Variants in RARB observed in about 807,000 individuals in gnomAD.
The protein encoded by RARB is HBV-activated protein.
Under a neutral mutation model 51.9 loss-of-function variants are expected in RARB, and 17 were observed. That is an observed-to-expected ratio of 0.33 (90% CI 0.22 to 0.49). RARB has a LOEUF of 0.49. RARB is among the 20% of genes least tolerant of loss of function. The pLI is 0.99. For synonymous variants in RARB, 215 were observed against 195.4 expected (o/e 1.10, Z -0.84); for missense variants, 369 against 550.8 (o/e 0.67, Z 3.30).
At chr3:25,185,160 A>C (rs1700948429) in intron 5 of RARB, among the ~76,000 whole-genome samples, 1 of 152,056 alleles carries the variant, frequency 6.6e-6, no homozygotes, top group Non-Finnish European at 1.5e-5. Context: ...ATTTTTTTTT[A>C]ATTTCAGAAT....
intron 2 of RARB, among the ~76,000 whole-genome samples, chr3:25,049,733 T>C (rs1001328317): frequency 5.3e-5 from 8 of 152,246 alleles, no homozygotes; most frequent in Non-Finnish European, 1.0e-4. Flanking sequence ...TCACATTTGT[T>C]TGAAGATACA....
chr3:25,416,520 T>C (rs1707708420), intron 5 of RARB, among the ~76,000 whole-genome samples: 1 of 152,214 alleles, frequency 6.6e-6, no homozygotes, highest in Non-Finnish European at 1.5e-5. Flanking sequence ...GCCAATTCAA[T>C]GGATTGGTAC....
intron 4 of RARB, among the ~76,000 whole-genome samples, chr3:25,155,173 A>G (rs919560969): frequency 3.3e-5 from 5 of 152,032 alleles, no homozygotes; most frequent in African/African-American, 1.2e-4. Flanking sequence ...TGTCTGCTCA[A>G]TTCTTTTTTT....
chr3:24,908,274 T>G (rs932735396), intron 2 of RARB, among the ~76,000 whole-genome samples: 1 of 152,222 alleles, frequency 6.6e-6, no homozygotes, highest in Admixed American at 6.5e-5. Flanking sequence ...TTTAAAAATT[T>G]GCCTGAAGAT....
intron 2 of RARB, among the ~76,000 whole-genome samples, chr3:24,983,703 T>A (rs1372311500): frequency 2.6e-5 from 4 of 152,172 alleles, no homozygotes; most frequent in Admixed American, 2.6e-4. Flanking sequence ...GAATTTCATT[T>A]CTATTTGCTA....
chr3:25,061,738 A>G (rs972286426), intron 3 of RARB, among the ~76,000 whole-genome samples: 1 of 151,862 alleles, frequency 6.6e-6, no homozygotes, highest in East Asian at 1.9e-4. Flanking sequence ...AAGGTGTTTT[A>G]TACTAGTTAA....
At chr3:24,880,020 C>T (rs1383075864) in intron 2 of RARB, among the ~76,000 whole-genome samples, 1 of 117,428 alleles carries the variant, frequency 8.5e-6, no homozygotes, top group Non-Finnish European at 1.8e-5. Context: ...AAGACATAAA[C>T]AAGATAAGGA....
chr3:25,264,769 C>A (rs773237399), intron 5 of RARB, among the ~76,000 whole-genome samples: 1 of 152,132 alleles, frequency 6.6e-6, no homozygotes, highest in African/African-American at 2.4e-5. Flanking sequence ...GGTGTATACA[C>A]ACTTTTCTCC....
At chr3:25,575,991 T>G (rs935529494) in intron 4 of RARB, among the ~76,000 whole-genome samples, 2 of 152,160 alleles carry the variant, frequency 1.3e-5, no homozygotes, top group African/African-American at 4.8e-5. Context: ...GCAGCACACA[T>G]AAGTCCTGAT....
chr3:25,031,815 C>T (rs1697882166), intron 2 of RARB, among the ~76,000 whole-genome samples: 1 of 152,156 alleles, frequency 6.6e-6, no homozygotes, highest in Non-Finnish European at 1.5e-5. Context: ...ATATACTTAT[C>T]CCAACCAGTT....
At chr3:25,319,547 T>C (rs1420515049) in intron 5 of RARB, among the ~76,000 whole-genome samples, 2 of 152,170 alleles carry the variant, frequency 1.3e-5, no homozygotes. Context: ...CAACCAAAAT[T>C]AAAGAGCTGT....
intron 2 of RARB, among the ~76,000 whole-genome samples, chr3:24,918,361 C>A (rs1054707589): frequency 3.3e-5 from 5 of 152,078 alleles, no homozygotes; most frequent in Non-Finnish European, 5.9e-5. Context: ...CTAGAAAATG[C>A]AGATCTATAG....
chr3:24,874,660 A>T (rs1482223919), intron 2 of RARB, among the ~76,000 whole-genome samples: 1 of 151,480 alleles, frequency 6.6e-6, no homozygotes, highest in Non-Finnish European at 1.5e-5. Context: ...TTCTACTTCC[A>T]ATTTTATTTT....
chr3:25,385,659 A>C (rs1706772367), intron 5 of RARB, among the ~76,000 whole-genome samples: 1 of 152,072 alleles, frequency 6.6e-6, no homozygotes, highest in African/African-American at 2.4e-5. Flanking sequence ...ATATATATAT[A>C]TTGCTGTTTG....
chr3:25,134,312 G>A (rs1408382421), intron 4 of RARB, among the ~76,000 whole-genome samples: 1 of 151,946 alleles, frequency 6.6e-6, no homozygotes, highest in Non-Finnish European at 1.5e-5. Flanking sequence ...TGGCACATAG[G>A]ATATAGGAGG....
At chr3:25,575,457 C>A (rs944979141) in intron 4 of RARB, among the ~76,000 whole-genome samples, 2 of 152,196 alleles carry the variant, frequency 1.3e-5, no homozygotes, top group Non-Finnish European at 2.9e-5. Flanking sequence ...ATTATTTGAT[C>A]GCATTTCTGG....
chr3:25,211,683 A>AGG (rs1701700695), intron 5 of RARB, among the ~76,000 whole-genome samples: 2 of 152,164 alleles, frequency 1.3e-5, no homozygotes, highest in Admixed American at 6.5e-5. Context: ...CCAACAGTGA[A>AGG]ATTTTTTGGC....
At chr3:25,260,905 T>A (rs973323919) in intron 5 of RARB, among the ~76,000 whole-genome samples, 1 of 152,058 alleles carries the variant, frequency 6.6e-6, no homozygotes, top group Non-Finnish European at 1.5e-5. Flanking sequence ...AAATAGGACA[T>A]GAGACAGCAA....
rs540120731 is a variant in RARB at position 25,196,692 on chromosome 3, G to A, written c.178+22117G>A. Among the ~76,000 whole-genome samples the A allele has an allele frequency of 4.6e-5, 7 of 152,246 alleles. No individual in the cohort carries two copies. The South Asian group carries it at 1.5e-3, about 32-fold the overall frequency. On this transcript the variant is annotated intron_variant, in intron 5 of 11. Coordinates refer to the RARB transcript ENST00000383772. ...ACTAGTTTACAGTCCCACCAACAGT[G>A]TAAAGTGTTCCTATTTCTCCACATC...
Sources: gnomAD v4.1 joint callset for allele counts (sites outside exome capture counted in the v4.1 genomes callset) on GRCh38, gnomAD v4.1.1 for gene constraint, MANE v1.5 for transcripts, NCBI Gene and HGNC (gene_info 2026-07-23, HGNC 2026-07-21) for gene names.